Variants in FAN1 observed in about 807,000 individuals in gnomAD.
FAN1 encodes fanconi-associated nuclease 1.
In FAN1, 91 loss-of-function variants were observed where a neutral mutation model predicts 104.9. The observed-to-expected ratio is 0.87, with a 90% CI of 0.73 to 1.03. The LOEUF (loss-of-function observed/expected upper bound fraction) is 1.03. FAN1 is among the 50% of genes least tolerant of loss of function. The probability of loss-of-function intolerance (pLI) is 0.00; values close to 1 mark genes in which losing one functional copy is unlikely to be tolerated. For synonymous variants in FAN1, 478 were observed against 457.6 expected (o/e 1.04, Z -0.57); for missense variants, 1,263 against 1,239.9 (o/e 1.02, Z -0.28).
intron 10 of FAN1, chr15:30,927,145 G>A: frequency 2.2e-6 from 2 of 915,758 alleles, no homozygotes; most frequent in Non-Finnish European, 2.6e-6. Flanking sequence ...GGAGGTCAAG[G>A]CTGCAGTGAG....
chr15:30,911,381 C>T (rs1293936350), intron 4 of FAN1: 3 of 984,762 alleles, frequency 3.0e-6, no homozygotes, highest in Non-Finnish European at 2.4e-6. Flanking sequence ...ACTGTGGAGT[C>T]GAGGATGAAA....
intron 11 of FAN1, 104 bp from the exon 12 acceptor site, chr15:30,929,097 ATG>A: frequency 1.1e-6 from 1 of 901,142 alleles, no homozygotes; most frequent in Non-Finnish European, 1.7e-6. Flanking sequence ...GAGAGAAAGA[ATG>A]TATCGGTTGG....
intron 13 of FAN1, 135 bp downstream of exon 13, chr15:30,930,806 TC>T (rs1165878177): frequency 9.1e-7 from 1 of 1,100,932 alleles, no homozygotes; most frequent in Non-Finnish European, 1.4e-6. Flanking sequence ...GGGCCTGGGT[TC>T]CTGTGGGCCT....
Position 30,942,841 on chromosome 15 carries a change from T to C in FAN1, c.*1279T>C, listed in dbSNP as rs1202307280. ...AACGCTCTCTGTTCTGAAAAAGAGG[T>C]GTTTGGTTACGTGTGAGCCAACATC... On this transcript the variant is annotated 3_prime_UTR_variant, in exon 15 of 15. Transcript: ENST00000362065. 2 of 1,482,182 alleles carry C rather than the reference T, an allele frequency of 1.3e-6. No individual in the cohort carries two copies. Among genetic ancestry groups the C allele is most frequent in the East Asian group, 5.0e-5 (2 of 40,106 alleles). 91.8% of individuals were successfully genotyped at this position (1,482,182 alleles called of 1,614,324 possible).
In FAN1 at chr15:30,925,291, C is replaced by T. The variant is rs748422555; in HGVS notation, c.2337C>T (p.His779=). The T allele has an allele frequency of 5.0e-6, 8 of 1,613,244 alleles. No individual in the cohort carries two copies. Among genetic ancestry groups the T allele is most frequent in the Middle Eastern group, 1.7e-4 (1 of 6,050 alleles). Residue 779 remains histidine, a splice_region_variant and synonymous_variant, in exon 9 of 15, where the codon CAC becomes CAT. Coordinates refer to ENST00000362065, the MANE Select transcript of FAN1 (RefSeq NM_014967.5). ...AAATGGCTGTGCAAGATGTGAAACA[C>T]GTGAGGAAAGAGCCTGTGGGTGCTT... ...LPEMAVQDVK[H]VTITGRLCPQ...
intron 4 of FAN1, chr15:30,911,291 C>A: frequency 1.0e-6 from 1 of 986,340 alleles, no homozygotes; most frequent in Non-Finnish European, 1.2e-6. Context: ...TTGAAAATTA[C>A]AAAAACTTTT....
chr15:30,910,968 AT>A, intron 4 of FAN1, 153 bp downstream of exon 4: 6 of 1,350,398 alleles, frequency 4.4e-6, no homozygotes, highest in Non-Finnish European at 4.8e-6. Context: ...AATAGCCTGG[AT>A]TCTTTCTTGG....
At chr15:30,938,587 G>C (rs2062934343) in intron 14 of FAN1, among the ~76,000 whole-genome samples, 2 of 152,198 alleles carry the variant, frequency 1.3e-5, no homozygotes, top group African/African-American at 2.4e-5. Flanking sequence ...GGCTGGGCAA[G>C]GGGGTGTGGT....
rs367883410 is a variant in FAN1 at position 30,936,209 on chromosome 15, C to T, written c.2917-910C>T. Among the ~76,000 whole-genome samples, 264 of 152,164 alleles carry T rather than the reference C, an allele frequency of 1.7e-3. 7 individuals are homozygous for T. In the South Asian group the frequency reaches 0.044, roughly 25 times the overall value. On this transcript the variant is annotated intron_variant, in intron 13 of 14. Coordinates refer to ENST00000362065, the MANE Select transcript of FAN1 (RefSeq NM_014967.5). ...GATGACATGTAGTATATATTTTTAT[C>T]TTATGAATGCCATGAAAGAAGTGCA...
chr15:30,919,080 A>T (rs2062255413), intron 6 of FAN1, among the ~76,000 whole-genome samples: 1 of 152,210 alleles, frequency 6.6e-6, no homozygotes, highest in African/African-American at 2.4e-5. Context: ...AGAATATGTT[A>T]TTAAGGAAAA....
chr15:30,933,004 G>A (rs2062755914), intron 13 of FAN1, among the ~76,000 whole-genome samples: 1 of 151,916 alleles, frequency 6.6e-6, no homozygotes, highest in Non-Finnish European at 1.5e-5. Flanking sequence ...ACAGGTGTGA[G>A]CCACCGCACA....
At chr15:30,910,858 A>AC (rs772528786) in intron 4 of FAN1, 43 bp downstream of exon 4, 1 of 1,579,654 alleles carries the variant, frequency 6.3e-7, no homozygotes, top group Non-Finnish European at 8.6e-7. Flanking sequence ...TAAAATGTTG[A>AC]TAGCACATAT....
In FAN1 at chr15:30,927,955, G is replaced by C. The variant is rs72710410; in HGVS notation, c.2489-598G>C. On this transcript the variant is annotated intron_variant, in intron 10 of 14. Coordinates refer to ENST00000362065, the MANE Select transcript of FAN1 (RefSeq NM_014967.5). ...TTTGTGTGACGTGAGGAGGGGCACTGAAGTGGGTGATCTTTAAGGCCAGAT... is the reference window on the plus strand; with the variant it reads ...TTTGTGTGACGTGAGGAGGGGCACTCAAGTGGGTGATCTTTAAGGCCAGAT... 9.7e-3 allele frequency: 9,604 copies of C among 985,870 alleles called. 65 individuals carry two copies. The highest frequency in any genetic ancestry group is 0.011 in the Non-Finnish European group (9,054 of 830,246). The allele number at this position is 985,870 out of a possible 1,614,324, so 61.1% of individuals were successfully genotyped here.
At chr15:30,925,673 TCTA>T in intron 9 of FAN1, 113 bp from the exon 10 acceptor site, 7 of 1,162,442 alleles carry the variant, frequency 6.0e-6, no homozygotes, top group East Asian at 4.7e-5. Context: ...CGCTGTGTGC[TCTA>T]CTAAGTGACT....
intron 11 of FAN1, 75 bp from the exon 12 acceptor site, chr15:30,929,128 A>G: frequency 7.7e-7 from 1 of 1,305,890 alleles, no homozygotes; most frequent in Non-Finnish European, 1.1e-6. Flanking sequence ...CAAGTTTTGT[A>G]TGTACTGACT....
intron 4 of FAN1, among the ~76,000 whole-genome samples, chr15:30,913,623 G>A (rs901829779): frequency 2.0e-5 from 3 of 152,192 alleles, no homozygotes; most frequent in Admixed American, 6.5e-5. Flanking sequence ...CTGTGCAGCC[G>A]AGGAAGGAAG....
chr15:30,929,944 A>ATATATCAT, intron 12 of FAN1, among the ~76,000 whole-genome samples: 1 of 107,788 alleles, frequency 9.3e-6, no homozygotes, highest in African/African-American at 4.9e-5. Flanking sequence ...TAAAATATAT[A>ATATATCAT]ATATAATATA....
At position 30,925,827 on chromosome 15, in the gene FAN1, G is replaced by A; in HGVS notation, c.2376G>A (p.Met792Ile). The A allele has an allele frequency of 6.2e-7, 1 of 1,614,234 alleles. No homozygotes were observed. Among genetic ancestry groups the A allele is most frequent in the Non-Finnish European group, 8.5e-7 (1 of 1,180,050 alleles). Residue 792 changes from methionine (M) to isoleucine (I), a missense_variant, in exon 10 of 15, where the codon ATG becomes ATA. Met to Ile is a conservative substitution (Grantham distance 10). Around this residue, in one of 2 missense-constraint regions of FAN1, gnomAD observed 581 missense variants for 668.8 expected, o/e 0.87. Transcript: ENST00000362065. Reference protein sequence around the residue: ...ITGRLCPQRGMCKSVFVMEAG... With the variant: ...ITGRLCPQRGICKSVFVMEAG... The stretch of plus-strand genomic sequence containing the variant: ...GCAGGCTGTGCCCACAGCGTGGGAT[G>A]TGCAAGTCTGTGTTTGTGATGGAGG...
rs1187156723 is a variant in FAN1, at chr15:30,941,717, AGCATCCT to A, written c.*158_*164del. 1.2e-6 allele frequency: 2 copies of A among 1,613,844 alleles called. No homozygotes were observed. Among genetic ancestry groups the A allele is most frequent in the Non-Finnish European group, 1.7e-6 (2 of 1,179,878 alleles). On this transcript the variant is annotated 3_prime_UTR_variant, in exon 15 of 15. Transcript: ENST00000362065. ...CAGGGGGCCACTGCGCTGTTGCCGCAGCATCCTGCTCAGTACGTCGACTTCATCAGCC... is the reference window on the plus strand; with the variant it reads ...CAGGGGGCCACTGCGCTGTTGCCGCAGCTCAGTACGTCGACTTCATCAGCC...
Sources: gnomAD v4.1 joint callset for allele counts (sites outside exome capture counted in the v4.1 genomes callset) on GRCh38, gnomAD v4.1.1 for gene constraint, gnomAD v4.1.1 regional missense constraint, MANE v1.5 for transcripts, NCBI Gene and HGNC (gene_info 2026-07-23, HGNC 2026-07-21) for gene names.